CD55: variants seen among roughly 807,000 people sequenced by gnomAD.
CD55 encodes the protein CD55 molecule (Cromer blood group).
Under a neutral mutation model 45.8 loss-of-function variants are expected in CD55, and 41 were observed. The ratio of observed to expected loss-of-function variants is 0.90; its 90% CI spans 0.70 to 1.16. CD55 has a LOEUF of 1.16. CD55 is among the 50% of genes most tolerant of loss of function. The pLI, the probability that CD55 is intolerant of heterozygous loss-of-function variation, is 0.00. For synonymous variants in CD55, 181 were observed against 181.1 expected (o/e 1.00, Z 0.01); for missense variants, 416 against 469.8 (o/e 0.89, Z 1.06).
chr1:207,324,988 TATTCTAA>T (rs1174396157), intron 3 of CD55, among the ~76,000 whole-genome samples: 1 of 152,168 alleles, frequency 6.6e-6, no homozygotes, highest in African/African-American at 2.4e-5. Context: ...AACAAGTATA[TATTCTAA>T]ATTCGTTGCT....
intron 9 of CD55, chr1:207,353,969 G>T: frequency 6.6e-7 from 1 of 1,521,478 alleles, no homozygotes; most frequent in Non-Finnish European, 8.8e-7. Context: ...ATAACTTTTT[G>T]TTTTCATAGC....
rs191167519 is a variant in CD55 at position 207,359,672 on chromosome 1, T to G, written c.*62T>G. ...ACAGACTGTTCCTAGTTTCTTAGAC[T>G]TATCTGCATATTGGATAAAATAAAT... On this transcript the variant is annotated 3_prime_UTR_variant, in exon 10 of 10. Coordinates refer to ENST00000367064, the MANE Select transcript of CD55 (RefSeq NM_000574.5). 2.5e-5 allele frequency: 38 copies of G among 1,536,574 alleles called. No homozygotes were observed. In the Admixed American group the frequency reaches 8.9e-4, roughly 36 times the overall value.
At chr1:207,328,067 G>A (rs1654766789) in intron 5 of CD55, among the ~76,000 whole-genome samples, 1 of 152,210 alleles carries the variant, frequency 6.6e-6, no homozygotes, top group African/African-American at 2.4e-5. Context: ...TCTGAAGCCA[G>A]TATTTTCACA....
At chr1:207,338,112 T>G (rs920488896) in intron 8 of CD55, among the ~76,000 whole-genome samples, 1 of 152,184 alleles carries the variant, frequency 6.6e-6, no homozygotes, top group Non-Finnish European at 1.5e-5. Context: ...TTAAAACATT[T>G]CCCCAGCCCA....
At chr1:207,325,313 C>T (rs1429764884) in intron 3 of CD55, among the ~76,000 whole-genome samples, 1 of 118,418 alleles carries the variant, frequency 8.4e-6, no homozygotes, top group African/African-American at 3.4e-5. Flanking sequence ...CCAGCCTGGG[C>T]AACAGAGCAA....
At chr1:207,336,598 G>A (rs1206751618) in intron 6 of CD55, 95 bp from the exon 7 acceptor site, 3 of 1,398,544 alleles carry the variant, frequency 2.1e-6, no homozygotes, top group Admixed American at 2.1e-5. Flanking sequence ...TTTGTGGGGA[G>A]AGAGAAAGGA....
intron 9 of CD55, among the ~76,000 whole-genome samples, chr1:207,346,305 G>T (rs1449080869): frequency 6.6e-6 from 1 of 152,210 alleles, no homozygotes; most frequent in Admixed American, 6.5e-5. Context: ...GCTGCTATTG[G>T]TGGTGGACTG....
intron 9 of CD55, among the ~76,000 whole-genome samples, chr1:207,351,439 G>A (rs1415301222): frequency 6.6e-6 from 1 of 152,056 alleles, no homozygotes; most frequent in African/African-American, 2.4e-5. Flanking sequence ...ATTGTCAATG[G>A]GGTGTTGAAG....
intron 3 of CD55, 91 bp downstream of exon 3, chr1:207,324,841 TA>T: frequency 1.6e-6 from 1 of 638,586 alleles, no homozygotes; most frequent in Non-Finnish European, 2.6e-6. Flanking sequence ...TCTATGTGTA[TA>T]TATTATTATA....
At chr1:207,354,567 T>G (rs1441984677) in intron 9 of CD55, among the ~76,000 whole-genome samples, 6 of 152,214 alleles carry the variant, frequency 3.9e-5, no homozygotes, top group Non-Finnish European at 8.8e-5. Flanking sequence ...CAGTTTAATC[T>G]TAGGAACATT....
intron 9 of CD55, among the ~76,000 whole-genome samples, chr1:207,355,479 T>C (rs1159300360): frequency 1.3e-5 from 2 of 152,328 alleles, no homozygotes; most frequent in African/African-American, 2.4e-5. Flanking sequence ...TTATTTGCTG[T>C]TGTTCAGCTC....
chr1:207,322,680 C>A, intron 2 of CD55, 113 bp downstream of exon 2: 1 of 900,160 alleles, frequency 1.1e-6, no homozygotes, highest in Non-Finnish European at 1.7e-6. Context: ...TACTAAACCC[C>A]AGGGTATACC....
At chr1:207,342,218 G>T (rs1178042759) in intron 9 of CD55, among the ~76,000 whole-genome samples, 1 of 151,858 alleles carries the variant, frequency 6.6e-6, no homozygotes, top group Non-Finnish European at 1.5e-5. Flanking sequence ...TTCCAGTTTG[G>T]ATGCCTTTTA....
chr1:207,348,508 T>A (rs1655739447), intron 9 of CD55, among the ~76,000 whole-genome samples: 1 of 152,210 alleles, frequency 6.6e-6, no homozygotes, highest in Admixed American at 6.5e-5. Context: ...TTTTCTCCTT[T>A]TCTGTAGGTT....
intron 8 of CD55, among the ~76,000 whole-genome samples, chr1:207,338,228 T>A (rs1655269122): frequency 6.6e-6 from 1 of 152,204 alleles, no homozygotes; most frequent in African/African-American, 2.4e-5. Context: ...TAATAATGTT[T>A]CATATTTTTA....
Position 207,359,763 on chromosome 1 carries a change from C to T in CD55, c.*153C>T. ...AGATGTGTTAGGAATGTCAACAGAGCAAGGAGAAAAAAGGCAGTCCTGGAA... is the reference window on the plus strand; with the variant it reads ...AGATGTGTTAGGAATGTCAACAGAGTAAGGAGAAAAAAGGCAGTCCTGGAA... On this transcript the variant is annotated 3_prime_UTR_variant, in exon 10 of 10. Transcript: ENST00000367064. 9.6e-7 allele frequency: 1 copy of T among 1,045,152 alleles called. No homozygotes were observed. The highest frequency in any genetic ancestry group is 1.3e-6 in the Non-Finnish European group (1 of 781,594). 64.7% of individuals were successfully genotyped at this position (1,045,152 alleles called of 1,614,324 possible). A position where few individuals can be genotyped will look rare whatever the true frequency, so the allele number is the denominator to read the frequency against.
intron 5 of CD55, among the ~76,000 whole-genome samples, chr1:207,328,215 C>T (rs1270494780): frequency 6.6e-6 from 1 of 152,182 alleles, no homozygotes; most frequent in Admixed American, 6.5e-5. Context: ...TGTTTTCCTC[C>T]TTGACTCTTC....
chr1:207,353,804 G>T (rs537852500), intron 9 of CD55, among the ~76,000 whole-genome samples: 29 of 152,300 alleles, frequency 1.9e-4, no homozygotes, highest in South Asian at 1.9e-3. Flanking sequence ...AAGCAGAGTT[G>T]AATCTGCATT....
intron 1 of CD55, 143 bp from the exon 2 acceptor site, chr1:207,322,239 C>G: frequency 1.3e-6 from 1 of 775,414 alleles, no homozygotes; most frequent in South Asian, 1.4e-5. Flanking sequence ...TCGACAGAGT[C>G]CAGCCGTGTG....
Sources: allele counts gnomAD v4.1 joint callset (sites outside exome capture counted in the v4.1 genomes callset), GRCh38; gene constraint gnomAD v4.1.1; transcripts MANE v1.5; gene names NCBI Gene and HGNC (gene_info 2026-07-23, HGNC 2026-07-21).